The following BOLL variants were observed in gnomAD, a reference collection of about 807,000 sequenced individuals.
BOLL encodes protein boule-like.
Under a neutral mutation model 44.4 loss-of-function variants are expected in BOLL, and 23 were observed. The ratio of observed to expected loss-of-function variants is 0.52; its 90% confidence interval spans 0.37 to 0.73. The LOEUF (loss-of-function observed/expected upper bound fraction) is 0.73, where lower values mean the gene tolerates loss of function less well. Ranked by LOEUF, BOLL falls within the 30% of genes least tolerant of loss-of-function variation. The pLI, the probability that BOLL is intolerant of heterozygous loss-of-function variation, is 0.00. For synonymous variants in BOLL, 97 were observed against 110.8 expected (o/e 0.88, Z 0.78); for missense variants, 287 against 338.3 (o/e 0.85, Z 1.19).
chr2:197,785,964 C>T (rs760023744), upstream of BOLL: 1 of 1,587,460 alleles, frequency 6.3e-7, no homozygotes, highest in Non-Finnish European at 8.6e-7. This position sits in a 1 kb window ranked among gnomAD's most constrained non-coding sequence, Gnocchi z 6.7. Context: ...CGCCCTGGGG[C>T]CCTGATCGCC....
chr2:197,768,915 T>C (rs1459529960), intron 6 of BOLL, among the ~76,000 whole-genome samples: 9 of 151,092 alleles, frequency 6.0e-5, no homozygotes, highest in Non-Finnish European at 1.3e-4. Context: ...TCTATTGAGA[T>C]TAATCATGTG....
At chr2:197,780,388 C>T in intron 2 of BOLL, among the ~76,000 whole-genome samples, 1 of 152,042 alleles carries the variant, frequency 6.6e-6, no homozygotes, top group East Asian at 1.9e-4. Context: ...ATTATAACAA[C>T]CGTCTCCAAA....
intron 9 of BOLL, among the ~76,000 whole-genome samples, chr2:197,749,602 T>TA (rs1449236116): frequency 6.6e-6 from 1 of 151,482 alleles, no homozygotes; most frequent in Non-Finnish European, 1.5e-5. Context: ...CAAGTATCAA[T>TA]AGCTGAATTG....
chr2:197,728,992 C>G (rs1425130446), intron 10 of BOLL, among the ~76,000 whole-genome samples: 1 of 152,216 alleles, frequency 6.6e-6, no homozygotes, highest in Non-Finnish European at 1.5e-5. Context: ...CGAATAGGAA[C>G]AGCTCCGGTC....
At chr2:197,728,729 C>A (rs1482845639) in intron 10 of BOLL, 151 bp from the exon 11 acceptor site, 2 of 543,572 alleles carry the variant, frequency 3.7e-6, no homozygotes, top group Non-Finnish European at 6.1e-6. Flanking sequence ...AAGTGAGAGG[C>A]TAGCAATTTA....
chr2:197,771,160 A>AT (rs755699595), intron 6 of BOLL, among the ~76,000 whole-genome samples: 38 of 152,114 alleles, frequency 2.5e-4, no homozygotes, highest in Non-Finnish European at 5.0e-4. Flanking sequence ...ATGGAATACT[A>AT]TGCAGCCATA....
At chr2:197,780,781 T>G (rs372779010) in intron 2 of BOLL, among the ~76,000 whole-genome samples, 2 of 13,826 alleles carry the variant, frequency 1.4e-4, no homozygotes, top group African/African-American at 3.4e-3. Context: ...ATAAGGAAGG[T>G]TTTTTTTTTG....
intron 7 of BOLL, among the ~76,000 whole-genome samples, chr2:197,764,469 T>C (rs1271526105): frequency 2.0e-5 from 3 of 152,268 alleles, no homozygotes; most frequent in East Asian, 3.9e-4. Context: ...CTCACTCATA[T>C]ATGGAAGCTA....
chr2:197,741,825 A>G (rs2106324967), intron 10 of BOLL, among the ~76,000 whole-genome samples: 1 of 152,278 alleles, frequency 6.6e-6, no homozygotes, highest in South Asian at 2.1e-4. Flanking sequence ...ATCTAATTAA[A>G]CTAAAGAGCT....
At chr2:197,784,698 G>T in intron 1 of BOLL, 12 of 983,972 alleles carry the variant, frequency 1.2e-5, no homozygotes, top group Non-Finnish European at 1.5e-5. Context: ...AAAGTGCTGG[G>T]ATTACAGGCG....
chr2:197,769,571 G>T (rs1291682609), intron 6 of BOLL, among the ~76,000 whole-genome samples: 1 of 152,116 alleles, frequency 6.6e-6, no homozygotes, highest in African/African-American at 2.4e-5. Context: ...GTCCCTCTTT[G>T]CAGATGACAT....
intron 7 of BOLL, among the ~76,000 whole-genome samples, chr2:197,763,148 C>T (rs1306125405): frequency 2.0e-5 from 3 of 152,082 alleles, no homozygotes; most frequent in African/African-American, 7.2e-5. Flanking sequence ...TGAACATATA[C>T]AATCTGCCAA....
In BOLL at chr2:197,727,219, C is replaced by G. The variant is rs1686889823; in HGVS notation, c.*1336G>C. The G allele has an allele frequency of 1.3e-5, 2 of 152,214 alleles. No homozygotes were observed. The highest frequency in any genetic ancestry group is 6.6e-5 in the Admixed American group (1 of 15,262). The allele number at this position is 152,214 out of a possible 1,614,324, so 9.4% of individuals were successfully genotyped here. ...TCATTACAGTTTCAAAAGAAAACAC[C>G]CTATTTGACTCACCAGAAAAACCTT... On this transcript the variant is annotated 3_prime_UTR_variant, in exon 11 of 11. Coordinates refer to ENST00000392296, the MANE Select transcript of BOLL (RefSeq NM_033030.6).
intron 7 of BOLL, among the ~76,000 whole-genome samples, chr2:197,764,680 T>C (rs910380590): frequency 1.3e-5 from 2 of 152,222 alleles, no homozygotes; most frequent in Non-Finnish European, 1.5e-5. Flanking sequence ...TTTTTGTATA[T>C]GCTGCATTTA....
intron 6 of BOLL, among the ~76,000 whole-genome samples, chr2:197,770,875 TAGG>T (rs550029916): frequency 1.2e-3 from 190 of 152,058 alleles, no homozygotes; most frequent in African/African-American, 3.8e-3. Context: ...TATGGAGAAA[TAGG>T]AGCACTTTTA....
chr2:197,786,105 T>C, upstream of BOLL: 2 of 1,449,090 alleles, frequency 1.4e-6, no homozygotes, highest in Non-Finnish European at 1.8e-6. This position sits in a 1 kb window ranked among gnomAD's most constrained non-coding sequence, Gnocchi z 5.9. Flanking sequence ...TGCCTGGGAC[T>C]CTCGCCCCCT....
intron 9 of BOLL, among the ~76,000 whole-genome samples, chr2:197,751,138 A>C (rs1176596104): frequency 6.6e-6 from 1 of 152,220 alleles, no homozygotes. Flanking sequence ...TCTGGGACAC[A>C]GTTAACACAC....
At chr2:197,733,835 G>A (rs1342119326) in intron 10 of BOLL, among the ~76,000 whole-genome samples, 2 of 152,128 alleles carry the variant, frequency 1.3e-5, no homozygotes, top group Admixed American at 6.6e-5. Context: ...AGACTTACAT[G>A]TTAGACGTAA....
At chr2:197,786,163 CG>C, upstream of BOLL, 1 of 1,079,398 alleles carries the variant, frequency 9.3e-7, no homozygotes. This position sits in a 1 kb window ranked among gnomAD's most constrained non-coding sequence, Gnocchi z 5.9. Flanking sequence ...GCTCGGACCC[CG>C]GCCCTGAACC....
Sources: gnomAD v4.1 joint callset for allele counts (sites outside exome capture counted in the v4.1 genomes callset) on GRCh38, gnomAD v4.1.1 for gene constraint, Gnocchi (gnomAD v3.1) non-coding constraint, MANE v1.5 for transcripts, NCBI Gene and HGNC (gene_info 2026-07-23, HGNC 2026-07-21) for gene names.